The following CREB3L1 variants were observed in gnomAD, a reference collection of about 807,000 sequenced individuals.
The protein encoded by CREB3L1 is cAMP responsive element binding protein 3 like 1.
A neutral mutation model predicts 54.5 loss-of-function variants in CREB3L1; 33 were observed. The observed-to-expected ratio is 0.61, with a 90% CI of 0.46 to 0.81. The LOEUF (loss-of-function observed/expected upper bound fraction) is 0.81. Among genes scored for constraint, CREB3L1 ranks in the 30% least tolerant of loss-of-function variants. The probability of loss-of-function intolerance (pLI) is 0.00; values close to 1 mark genes in which losing one functional copy is unlikely to be tolerated. For missense variants in CREB3L1, 656 were observed against 673.3 expected (o/e 0.97, Z 0.29); for synonymous variants, 284 against 286.4 (o/e 0.99, Z 0.08).
chr11:46,311,069 C>T lies in CREB3L1; in HGVS notation c.633C>T (p.Ser211=), dbSNP rs763039074. ...AGATGCCTCCGACGCCCCCCAGCAG[C>T]CATGGCAGTGACAGCGACGGCTCCC... The part of the protein sequence containing the change: ...LVQMPPTPPS[S]HGSDSDGSQS... Residue 211 remains serine, a synonymous_variant, in exon 5 of 12, where the codon AGC becomes AGT. Transcript: ENST00000621158. The T allele has an allele frequency of 1.2e-6, 2 of 1,609,872 alleles. No individual in the cohort carries two copies. The highest frequency in any genetic ancestry group is 1.7e-6 in the Non-Finnish European group (2 of 1,178,454).
intron 1 of CREB3L1, among the ~76,000 whole-genome samples, chr11:46,298,342 T>A (rs1388685087): frequency 6.6e-6 from 1 of 152,018 alleles, no homozygotes; most frequent in Non-Finnish European, 1.5e-5. Flanking sequence ...CAGCCCCCCA[T>A]CCCCCATCTC....
In CREB3L1 at chr11:46,277,990, GCTTC is replaced by G; in HGVS notation, c.-121_-118del. On this transcript the variant is annotated 5_prime_UTR_variant, in exon 1 of 12. Coordinates refer to ENST00000621158, the MANE Select transcript of CREB3L1 (RefSeq NM_052854.4). ...CGCCTCCGTCCGCCCCTCCCCCGGG[GCTTC>G]GCCCCGGACCTGCCCCCCGCCCGTT... 9 of 430,760 alleles carry G rather than the reference GCTTC, an allele frequency of 2.1e-5. No individual in the cohort carries two copies. Among genetic ancestry groups the G allele is most frequent in the East Asian group, 3.8e-5 (1 of 26,342 alleles). 26.7% of individuals were successfully genotyped at this position (430,760 alleles called of 1,614,324 possible). A position where few individuals can be genotyped will look rare whatever the true frequency, so the allele number is the denominator to read the frequency against.
intron 2 of CREB3L1, among the ~76,000 whole-genome samples, chr11:46,302,524 C>T (rs939068179): frequency 2.0e-5 from 3 of 152,226 alleles, no homozygotes; most frequent in Non-Finnish European, 4.4e-5. Context: ...TGCTTAACCT[C>T]TGTAATCCTT....
At chr11:46,305,624 A>G (rs1383670122) in intron 2 of CREB3L1, among the ~76,000 whole-genome samples, 1 of 118,090 alleles carries the variant, frequency 8.5e-6, no homozygotes, top group South Asian at 2.8e-4. Context: ...GTGTGTATAT[A>G]TATGTATATA....
At chr11:46,283,704 A>T (rs1383085546) in intron 1 of CREB3L1, among the ~76,000 whole-genome samples, 2 of 151,796 alleles carry the variant, frequency 1.3e-5, no homozygotes, top group African/African-American at 4.8e-5. Flanking sequence ...ACACAGAAAG[A>T]CTCCGTCTCT....
rs570715048 is a variant in CREB3L1 at position 46,318,363 on chromosome 11, T to G, written c.1258+876T>G. On this transcript the variant is annotated intron_variant, in intron 10 of 11. Transcript: ENST00000621158. Reference sequence around the variant, plus strand: ...CTGTTTCCAAGGGGGATAGTAAACGTACAGTGGTTAGGAGCATGGGGATGT... The same window carrying G: ...CTGTTTCCAAGGGGGATAGTAAACGGACAGTGGTTAGGAGCATGGGGATGT... 1.5e-3 allele frequency among the ~76,000 whole-genome samples: 221 copies of G among 152,302 alleles called. 1 individual carries two copies. The highest frequency in any genetic ancestry group is 5.0e-3 in the African/African-American group (208 of 41,558).
chr11:46,294,978 C>G (rs540948914), intron 1 of CREB3L1: 3 of 152,620 alleles, frequency 2.0e-5, no homozygotes, highest in Admixed American at 1.3e-4. Context: ...GATTCCCCCC[C>G]ACCCCTTATC....
intron 10 of CREB3L1, 75 bp from the exon 11 acceptor site, chr11:46,320,189 A>G: frequency 6.8e-7 from 1 of 1,468,570 alleles, no homozygotes; most frequent in East Asian, 2.3e-5. Flanking sequence ...TGCGTCCTTA[A>G]CCACTAGGCC....
intron 1 of CREB3L1, among the ~76,000 whole-genome samples, chr11:46,298,210 C>A (rs1434947810): frequency 6.6e-6 from 1 of 152,182 alleles, no homozygotes; most frequent in Non-Finnish European, 1.5e-5. Flanking sequence ...TGCTCATTAC[C>A]TTCCAGGTTG....
intron 1 of CREB3L1, among the ~76,000 whole-genome samples, chr11:46,279,381 G>A (rs1395321464): frequency 1.3e-5 from 2 of 152,150 alleles, no homozygotes; most frequent in Admixed American, 6.5e-5. Context: ...AGGAGGCATG[G>A]GGGCTGAGGT....
Position 46,278,007 on chromosome 11 carries a change from C to A in CREB3L1, c.-105C>A, listed in dbSNP as rs982877389. On this transcript the variant is annotated 5_prime_UTR_variant, in exon 1 of 12. Coordinates refer to ENST00000621158, the MANE Select transcript of CREB3L1 (RefSeq NM_052854.4). The surrounding 1 kb of genome is among the most constrained non-coding windows in gnomAD (Gnocchi z 4.2). ...CCCCCGGGGCTTCGCCCCGGACCTG[C>A]CCCCCGCCCGTTTGCCAGCGCTCAG... 1 of 529,160 alleles carries A rather than the reference C, an allele frequency of 1.9e-6. No homozygotes were observed. Among genetic ancestry groups the A allele is most frequent in the Non-Finnish European group, 3.0e-6 (1 of 331,970 alleles). 32.8% of individuals were successfully genotyped at this position (529,160 alleles called of 1,614,324 possible). A position where few individuals can be genotyped will look rare whatever the true frequency, so the allele number is the denominator to read the frequency against.
chr11:46,304,192 G>A (rs1217454119), intron 2 of CREB3L1, among the ~76,000 whole-genome samples: 1 of 152,172 alleles, frequency 6.6e-6, no homozygotes, highest in Non-Finnish European at 1.5e-5. Flanking sequence ...AAGCTCATTT[G>A]CCTGGGCGCG....
At chr11:46,284,777 G>C (rs949140269) in intron 1 of CREB3L1, among the ~76,000 whole-genome samples, 1 of 152,162 alleles carries the variant, frequency 6.6e-6, no homozygotes, top group Non-Finnish European at 1.5e-5. Context: ...GAGAGTCAAA[G>C]AGGGGAGCAA....
chr11:46,281,718 C>A (rs1938977572), intron 1 of CREB3L1, among the ~76,000 whole-genome samples: 2 of 152,162 alleles, frequency 1.3e-5, no homozygotes. Flanking sequence ...ACCCCCACCC[C>A]CAGCCTTCGG....
Position 46,278,395 on chromosome 11 carries a change from G to T in CREB3L1, c.102+182G>T, listed in dbSNP as rs954172898. Among the ~76,000 whole-genome samples, 3 of 152,214 alleles carry T rather than the reference G, an allele frequency of 2.0e-5. No individual in the cohort carries two copies. The highest frequency in any genetic ancestry group is 7.2e-5 in the African/African-American group (3 of 41,466). ...CGCCCCTCCTGGGGGCTCAATCTTTGAATACACTGGCCTCCACCTTCTAGG... is the reference window on the plus strand; with the variant it reads ...CGCCCCTCCTGGGGGCTCAATCTTTTAATACACTGGCCTCCACCTTCTAGG... On this transcript the variant is annotated intron_variant, in intron 1 of 11. Transcript: ENST00000621158. This position sits in a 1 kb window ranked among gnomAD's most constrained non-coding sequence, Gnocchi z 4.2.
intron 1 of CREB3L1, among the ~76,000 whole-genome samples, chr11:46,284,177 C>T (rs368552070): frequency 1.3e-5 from 2 of 152,236 alleles, no homozygotes; most frequent in East Asian, 1.9e-4. Flanking sequence ...CAGTCAATCG[C>T]GGACGAATGA....
chr11:46,297,485 G>A (rs1207513136), intron 1 of CREB3L1, among the ~76,000 whole-genome samples: 1 of 86,868 alleles, frequency 1.2e-5, no homozygotes, highest in African/African-American at 3.9e-5. Flanking sequence ...AGGGTCTGCT[G>A]CAGTTGTAAA....
At chr11:46,292,384 A>G (rs1239942084) in intron 1 of CREB3L1, among the ~76,000 whole-genome samples, 1 of 152,178 alleles carries the variant, frequency 6.6e-6, no homozygotes, top group African/African-American at 2.4e-5. Context: ...ACACTCATCC[A>G]GTCAGTCAGT....
chr11:46,282,746 A>G (rs1048940229), intron 1 of CREB3L1, among the ~76,000 whole-genome samples: 1 of 152,092 alleles, frequency 6.6e-6, no homozygotes, highest in Non-Finnish European at 1.5e-5. Context: ...CCTATTGTCT[A>G]TTTCCTCCAC....
Sources: allele counts gnomAD v4.1 joint callset (sites outside exome capture counted in the v4.1 genomes callset), GRCh38; gene constraint gnomAD v4.1.1; non-coding constraint Gnocchi (gnomAD v3.1); transcripts MANE v1.5; gene names NCBI Gene and HGNC (gene_info 2026-07-23, HGNC 2026-07-21).